FRMD4B: variants seen among roughly 807,000 people sequenced by gnomAD.
FRMD4B encodes the protein FERM domain-containing protein 4B.
FRMD4B carries 74 observed loss-of-function variants against 141.5 expected under a neutral mutation model. The ratio of observed to expected loss-of-function variants is 0.52; its 90% CI spans 0.43 to 0.63. The LOEUF (loss-of-function observed/expected upper bound fraction) is 0.63. Ranked by LOEUF, FRMD4B falls within the 30% of genes least tolerant of loss-of-function variation. FRMD4B has a pLI of 0.00. For synonymous variants in FRMD4B, 506 were observed against 467.9 expected, an observed-to-expected ratio of 1.08 and a Z score of -1.05; for missense variants, 1,366 against 1,253.4, an observed-to-expected ratio of 1.09 and a Z score of -1.36.
At chr3:69,197,424 C>G (rs1008763159) in intron 12 of FRMD4B, among the ~76,000 whole-genome samples, 11 of 152,210 alleles carry the variant, frequency 7.2e-5, no homozygotes, top group African/African-American at 2.2e-4. Context: ...GCACCTAATT[C>G]AAGGTAAAAG....
At chr3:69,461,234 C>T (rs1445373940) in intron 1 of FRMD4B, among the ~76,000 whole-genome samples, 1 of 152,104 alleles carries the variant, frequency 6.6e-6, no homozygotes, top group Non-Finnish European at 1.5e-5. Context: ...ACAGTACACA[C>T]CTCCACTTTA....
chr3:69,218,416 A>G (rs1559726864), intron 9 of FRMD4B, 37 bp from the exon 10 acceptor site: 2 of 956,676 alleles, frequency 2.1e-6, no homozygotes, highest in Non-Finnish European at 3.3e-6. Context: ...TCTTATTAAA[A>G]TAGTTAGAGG....
intron 5 of FRMD4B, among the ~76,000 whole-genome samples, chr3:69,275,210 T>C (rs2093612283): frequency 6.6e-6 from 1 of 152,230 alleles, no homozygotes; most frequent in South Asian, 2.1e-4. Flanking sequence ...TGGATCTTTT[T>C]GATTTGTTGT....
intron 5 of FRMD4B, among the ~76,000 whole-genome samples, chr3:69,273,605 G>T (rs1344725459): frequency 6.6e-6 from 1 of 152,208 alleles, no homozygotes; most frequent in Non-Finnish European, 1.5e-5. Flanking sequence ...ACTCAGAATT[G>T]ATTTTTAATT....
intron 1 of FRMD4B, among the ~76,000 whole-genome samples, chr3:69,330,737 T>A (rs1374431051): frequency 2.6e-5 from 4 of 152,098 alleles, no homozygotes; most frequent in Non-Finnish European, 5.9e-5. Flanking sequence ...GCTTAAGTGA[T>A]CCTCCTGTCT....
At chr3:69,343,711 C>T (rs756810441) in intron 1 of FRMD4B, among the ~76,000 whole-genome samples, 6 of 151,640 alleles carry the variant, frequency 4.0e-5, no homozygotes, top group Admixed American at 1.3e-4. Context: ...TCCCAAGTAG[C>T]TGGGATTACA....
chr3:69,240,853 C>G (rs534626193), intron 7 of FRMD4B, among the ~76,000 whole-genome samples: 5 of 152,178 alleles, frequency 3.3e-5, no homozygotes. Context: ...TCAACAATGT[C>G]GTCTCACAGC....
At chr3:69,366,994 T>C (rs1703682957) in intron 1 of FRMD4B, among the ~76,000 whole-genome samples, 1 of 152,148 alleles carries the variant, frequency 6.6e-6, no homozygotes, top group Non-Finnish European at 1.5e-5. Context: ...CGTGAACTCC[T>C]GGACTCAAGT....
intron 1 of FRMD4B, among the ~76,000 whole-genome samples, chr3:69,524,305 T>A (rs1046038526): frequency 6.6e-6 from 1 of 152,208 alleles, no homozygotes; most frequent in Non-Finnish European, 1.5e-5. Flanking sequence ...TGGAAATGTA[T>A]CAGTCTCAGA....
At chr3:69,260,032 A>C (rs1201815387) in intron 5 of FRMD4B, among the ~76,000 whole-genome samples, 3 of 152,180 alleles carry the variant, frequency 2.0e-5, no homozygotes. Flanking sequence ...TGTGAAGATT[A>C]ATATTCAGTA....
Position 69,404,920 on chromosome 3 carries a change from G to C in FRMD4B, c.-1+27714C>G, listed in dbSNP as rs190191622. Among the ~76,000 whole-genome samples the C allele has an allele frequency of 1.4e-4, 21 of 152,304 alleles. No homozygotes were observed. The East Asian group carries it at 1.7e-3, about 13-fold the overall frequency. ...CTGTGTCCTCAGGGCTTATCACAGT[G>C]CTTGCAAATAACAGGCAGGAATGAA... On this transcript the variant is annotated intron_variant, in intron 2 of 5. Transcript: ENST00000459638.
intron 5 of FRMD4B, among the ~76,000 whole-genome samples, chr3:69,286,016 G>A (rs551678516): frequency 7.9e-5 from 12 of 152,216 alleles, no homozygotes; most frequent in African/African-American, 2.6e-4. Context: ...TCTAAAGTAC[G>A]GAGAGAGAAA....
At chr3:69,400,851 C>T (rs1011816200) in intron 2 of FRMD4B, among the ~76,000 whole-genome samples, 1 of 152,196 alleles carries the variant, frequency 6.6e-6, no homozygotes, top group African/African-American at 2.4e-5. Flanking sequence ...TTCTATTACA[C>T]TGAGTTATGC....
intron 3 of FRMD4B, among the ~76,000 whole-genome samples, chr3:69,308,636 C>T (rs1701473088): frequency 6.6e-6 from 1 of 152,036 alleles, no homozygotes; most frequent in Non-Finnish European, 1.5e-5. Context: ...GATGGGGTTT[C>T]ACCATGTTGC....
chr3:69,443,952 G>A (rs182741254), intron 1 of FRMD4B, among the ~76,000 whole-genome samples: 370 of 152,264 alleles, frequency 2.4e-3, no homozygotes, highest in African/African-American at 8.4e-3. Context: ...CATCACTATT[G>A]TAGAACCCAA....
chr3:69,188,657 T>A (rs2092797487), intron 18 of FRMD4B, among the ~76,000 whole-genome samples: 1 of 149,420 alleles, frequency 6.7e-6, no homozygotes, highest in African/African-American at 2.5e-5. Flanking sequence ...CTCGGGAGGC[T>A]GAGGCAGGAG....
chr3:69,401,592 C>A (rs569102508), intron 2 of FRMD4B, among the ~76,000 whole-genome samples: 6 of 152,148 alleles, frequency 3.9e-5, no homozygotes, highest in African/African-American at 1.4e-4. Flanking sequence ...CTCTGCCACC[C>A]GGGCTGAAGT....
intron 1 of FRMD4B, among the ~76,000 whole-genome samples, chr3:69,474,360 T>G (rs1008936725): frequency 3.9e-5 from 6 of 152,114 alleles, no homozygotes; most frequent in Non-Finnish European, 8.8e-5. Flanking sequence ...TTGCAAATGG[T>G]CATTCCAAAA....
At chr3:69,333,171 T>C (rs1702435872) in intron 1 of FRMD4B, among the ~76,000 whole-genome samples, 3 of 152,244 alleles carry the variant, frequency 2.0e-5, no homozygotes, top group African/African-American at 7.2e-5. Flanking sequence ...TTTATTAGAC[T>C]GCAGTCAATG....
Sources: allele counts gnomAD v4.1 joint callset (sites outside exome capture counted in the v4.1 genomes callset), GRCh38; gene constraint gnomAD v4.1.1; transcripts MANE v1.5; gene names NCBI Gene and HGNC (gene_info 2026-07-23, HGNC 2026-07-21).